The following PKIG variants were observed in gnomAD, a reference collection of about 807,000 sequenced individuals.
PKIG encodes the protein cAMP-dependent protein kinase inhibitor gamma, also known as protein kinase (cAMP-dependent, catalytic) inhibitor gamma.
A neutral mutation model predicts 6.8 loss-of-function variants in PKIG; 1 was observed. The observed-to-expected ratio is 0.15, with a 90% CI of 0.05 to 0.69. PKIG has a LOEUF of 0.69. PKIG is among the 30% of genes least tolerant of loss of function. PKIG has a pLI of 0.82. For missense variants in PKIG, 77 were observed against 104.0 expected, an observed-to-expected ratio of 0.74 and a Z score of 1.13; for synonymous variants, 39 against 43.0, an observed-to-expected ratio of 0.91 and a Z score of 0.36.
At chr20:44,578,062 C>T (rs941852819), upstream of PKIG, among the ~76,000 whole-genome samples, 7 of 151,982 alleles carry the variant, frequency 4.6e-5, no homozygotes, top group South Asian at 4.2e-4. Context: ...TTATTTTGGC[C>T]GGGCATGGTG....
chr20:44,616,921 G>C (rs1285878578), intron 3 of PKIG, among the ~76,000 whole-genome samples: 1 of 152,214 alleles, frequency 6.6e-6, no homozygotes, highest in Non-Finnish European at 1.5e-5. Flanking sequence ...CTTGCCGCAG[G>C]GGCACAGTGA....
upstream of PKIG, chr20:44,582,426 AG>A (rs1248013112): frequency 1.3e-5 from 2 of 152,302 alleles, no homozygotes; most frequent in African/African-American, 4.8e-5. Flanking sequence ...CATTGTCCAA[AG>A]GAAATGGATC....
chr20:44,591,626 G>C (rs977123723), intron 2 of PKIG, among the ~76,000 whole-genome samples: 63 of 139,218 alleles, frequency 4.5e-4, no homozygotes, highest in African/African-American at 1.6e-3. Flanking sequence ...GGTGGGTGGG[G>C]GCACCCAGTG....
chr20:44,588,369 C>CG (rs1267239307), intron 1 of PKIG, among the ~76,000 whole-genome samples: 2 of 152,140 alleles, frequency 1.3e-5, no homozygotes, highest in African/African-American at 4.8e-5. Context: ...GGGCTGGGCG[C>CG]GGTGGCTCAT....
intron 2 of PKIG, among the ~76,000 whole-genome samples, chr20:44,611,337 A>T (rs1217247602): frequency 6.6e-6 from 1 of 151,960 alleles, no homozygotes; most frequent in Non-Finnish European, 1.5e-5. Flanking sequence ...TATAGGCATG[A>T]GCCACCGCAC....
At chr20:44,571,583 A>G (rs2064854605) in intron 1 of PKIG, among the ~76,000 whole-genome samples, 1 of 152,196 alleles carries the variant, frequency 6.6e-6, no homozygotes, top group African/African-American at 2.4e-5. Context: ...GCCAACATGC[A>G]TGTTAACTAA....
chr20:44,594,134 C>A (rs73909548), intron 2 of PKIG, among the ~76,000 whole-genome samples: 1,744 of 152,298 alleles, frequency 0.011, 31 homozygotes, highest in African/African-American at 0.039. Context: ...ACTAAGATTT[C>A]ACTTGAGCTT....
chr20:44,606,873 G>A (rs918201722), intron 2 of PKIG, among the ~76,000 whole-genome samples: 1 of 152,212 alleles, frequency 6.6e-6, no homozygotes, highest in Non-Finnish European at 1.5e-5. Context: ...CATTTGCTCT[G>A]TGAGAACACA....
chr20:44,587,337 T>C (rs2064998163), intron 1 of PKIG, among the ~76,000 whole-genome samples: 1 of 152,226 alleles, frequency 6.6e-6, no homozygotes, highest in Non-Finnish European at 1.5e-5. Context: ...CTACAATTCC[T>C]GGCTCTGGGA....
At chr20:44,564,521 GCT>G (rs2064794286) in intron 1 of PKIG, among the ~76,000 whole-genome samples, 1 of 151,662 alleles carries the variant, frequency 6.6e-6, no homozygotes, top group African/African-American at 2.4e-5. Context: ...TTATGTATAA[GCT>G]CTCTCTAAAT....
chr20:44,569,769 G>A (rs927050567), intron 1 of PKIG, among the ~76,000 whole-genome samples: 6 of 152,058 alleles, frequency 3.9e-5, no homozygotes, highest in Non-Finnish European at 8.8e-5. Flanking sequence ...TTGCCATATC[G>A]CACACTCCCC....
At chr20:44,615,321 T>G (rs1306242174) in intron 3 of PKIG, among the ~76,000 whole-genome samples, 1 of 152,240 alleles carries the variant, frequency 6.6e-6, no homozygotes, top group Non-Finnish European at 1.5e-5. Context: ...GGGCCTTCTC[T>G]GAGTGCTAGA....
At chr20:44,601,953 A>T (rs2065124712) in intron 2 of PKIG, among the ~76,000 whole-genome samples, 1 of 152,184 alleles carries the variant, frequency 6.6e-6, no homozygotes, top group Non-Finnish European at 1.5e-5. Flanking sequence ...TTAGAAACCC[A>T]CGGGAGAAGT....
rs201059818 is a variant in PKIG, at chr20:44,618,358, G to C, written c.225G>C (p.Ser75=). 1.9e-6 allele frequency: 3 copies of C among 1,608,848 alleles called. No homozygotes were observed. The highest frequency in any genetic ancestry group is 1.7e-6 in the Non-Finnish European group (2 of 1,175,186). ...CCCAGAGCAGCGATGGGACCACCTC[G>C]TCTTGAATCTGACCTTGTCCAAGAA... ...NQPQSSDGTT[S]S The change falls in exon 4 of 4, where the codon TCG becomes TCC. Residue 75 remains serine (S), a synonymous_variant. Coordinates refer to ENST00000372886, the MANE Select transcript of PKIG (RefSeq NM_001281445.2).
Position 44,561,608 on chromosome 20 carries a change from T to TA in PKIG, c.-240-20970dup, listed in dbSNP as rs201176179. 2.7e-3 allele frequency among the ~76,000 whole-genome samples: 416 copies of TA among 152,286 alleles called. 4 individuals are homozygous for TA. Among genetic ancestry groups the TA allele is most frequent in the African/African-American group, 9.7e-3 (402 of 41,560 alleles). ...CCAGTGACAAGTTCTAATATGCATT[T>TA]AAAAAAATTTTTTTTTCAAGTTTTT... is the stretch of plus-strand genomic sequence containing the variant. On this transcript the variant is annotated intron_variant, in intron 1 of 4. Transcript: ENST00000372887.
intron 2 of PKIG, among the ~76,000 whole-genome samples, chr20:44,591,462 A>G (rs2123387865): frequency 6.6e-6 from 1 of 152,198 alleles, no homozygotes; most frequent in Admixed American, 6.5e-5. Flanking sequence ...AGGGACTGAG[A>G]GAGTTCCGCA....
chr20:44,544,925 CTTTTTTTTTTT>C (rs796482642), intron 1 of PKIG, among the ~76,000 whole-genome samples: 6,753 of 64,356 alleles, frequency 0.1, 150 homozygotes, highest in South Asian at 0.21. Context: ...TTCCTTCTTT[CTTTTTTTTTTT>C]TTTTTTTTTT....
At chr20:44,574,559 GT>G (rs907402172) in intron 1 of PKIG, among the ~76,000 whole-genome samples, 36 of 150,718 alleles carry the variant, frequency 2.4e-4, no homozygotes, top group African/African-American at 8.6e-4. Flanking sequence ...ACTTCAGCAT[GT>G]TTTTTTTGTT....
rs538460464 is a variant in PKIG, at chr20:44,571,369, A to G, written c.-240-11216A>G. Among the ~76,000 whole-genome samples the G allele has an allele frequency of 1.6e-4, 24 of 152,258 alleles. 1 individual carries two copies. The South Asian group carries it at 3.3e-3, about 21-fold the overall frequency. On this transcript the variant is annotated intron_variant, in intron 1 of 4. Transcript: ENST00000372887. Reference sequence around the variant, plus strand: ...TGTAAAAAAAAAGTGGGGTTGTTCAAAGATTGTCTTAGGGACCTTCTAATG... The same window carrying G: ...TGTAAAAAAAAAGTGGGGTTGTTCAGAGATTGTCTTAGGGACCTTCTAATG...
Sources: allele counts gnomAD v4.1 joint callset (sites outside exome capture counted in the v4.1 genomes callset), GRCh38; gene constraint gnomAD v4.1.1; transcripts MANE v1.5; gene names NCBI Gene and HGNC (gene_info 2026-07-23, HGNC 2026-07-21).